The following CCDC39 variants were observed in gnomAD, a reference collection of about 807,000 sequenced individuals.
CCDC39 encodes the protein coiled-coil domain 39 molecular ruler complex subunit.
A neutral mutation model predicts 121.0 loss-of-function variants in CCDC39; 113 were observed. The ratio of observed to expected loss-of-function variants is 0.93; its 90% confidence interval spans 0.80 to 1.09. The LOEUF (loss-of-function observed/expected upper bound fraction) is 1.09, where lower values mean the gene tolerates loss of function less well. Ranked by LOEUF, CCDC39 falls within the 50% of genes least tolerant of loss-of-function variation. The probability of loss-of-function intolerance (pLI) is 0.00; values close to 1 mark genes in which losing one functional copy is unlikely to be tolerated. For synonymous variants in CCDC39, 349 were observed against 352.2 expected, an observed-to-expected ratio of 0.99 and a Z score of 0.10; for missense variants, 1,063 against 1,074.7, an observed-to-expected ratio of 0.99 and a Z score of 0.15.
rs150166564 is a variant in CCDC39 at position 180,663,563 on chromosome 3, G to A, written c.210+304C>T. Among the ~76,000 whole-genome samples, 67 of 151,708 alleles carry A rather than the reference G, an allele frequency of 4.4e-4. No individual in the cohort carries two copies. The East Asian group carries it at 8.5e-3, about 19-fold the overall frequency. On this transcript the variant is annotated intron_variant, in intron 2 of 19. Coordinates refer to ENST00000476379, the MANE Select transcript of CCDC39 (RefSeq NM_181426.2). ...TGGGTGCCTATAATCCCAGCTACTCGGGAGGCTGAGGCATGAGAATCTTTT... is the reference window on the plus strand; with the variant it reads ...TGGGTGCCTATAATCCCAGCTACTCAGGAGGCTGAGGCATGAGAATCTTTT...
At chr3:180,623,086 T>C (rs991205454) in intron 14 of CCDC39, among the ~76,000 whole-genome samples, 1 of 107,852 alleles carries the variant, frequency 9.3e-6, no homozygotes, top group Admixed American at 1.0e-4. Context: ...TTTTTATTAT[T>C]ATTATTATTA....
chr3:180,663,862 T>C lies in CCDC39; in HGVS notation c.210+5A>G. ...TATAATCAACATAAATTTCAGTTAC[T>C]GTACCTGTGTAATTGAGAGCTCTTG... is the stretch of plus-strand genomic sequence containing the variant. On this transcript the variant is annotated splice_donor_5th_base_variant and intron_variant, in intron 2 of 19. Coordinates refer to ENST00000476379, the MANE Select transcript of CCDC39 (RefSeq NM_181426.2). 3.1e-6 allele frequency: 5 copies of C among 1,611,838 alleles called. No homozygotes were observed. The highest frequency in any genetic ancestry group is 1.1e-5 in the South Asian group (1 of 90,956).
chr3:180,627,581 A>C (rs1311310235), intron 14 of CCDC39, among the ~76,000 whole-genome samples: 1 of 152,222 alleles, frequency 6.6e-6, no homozygotes, highest in Non-Finnish European at 1.5e-5. Context: ...ACTTAATTGG[A>C]CAGTGTCATT....
intron 19 of CCDC39, 99 bp downstream of exon 19, chr3:180,616,182 A>T: frequency 2.1e-6 from 2 of 945,202 alleles, no homozygotes; most frequent in Non-Finnish European, 3.4e-6. Context: ...CAGTGAGTGC[A>T]TGGGCCTGCC....
chr3:180,638,361 T>C lies in CCDC39; in HGVS notation c.1874+3632A>G, dbSNP rs148526529. 4.5e-4 allele frequency among the ~76,000 whole-genome samples: 68 copies of C among 152,258 alleles called. 2 individuals are homozygous for C. In the East Asian group the frequency reaches 0.011, roughly 25 times the overall value. On this transcript the variant is annotated intron_variant, in intron 13 of 19. Coordinates refer to ENST00000476379, the MANE Select transcript of CCDC39 (RefSeq NM_181426.2). ...AAGTTTAAGGGAGAATAAATATATG[T>C]ATTAAACATGCAAGGACTGCAAAGT...
Position 180,654,624 on chromosome 3 carries a change from T to TA in CCDC39, c.930+137dup, listed in dbSNP as rs75857130. 0.077 allele frequency: 23,831 copies of TA among 309,912 alleles called. 5 individuals carry two copies. The highest frequency in any genetic ancestry group is 0.081 in the Non-Finnish European group (16,190 of 198,724). The allele number at this position is 309,912 out of a possible 1,614,324, so 19.2% of individuals were successfully genotyped here. ...AAAAGTTCCACAAACAAAGAGACAT[T>TA]AAAAAAAAAAAAAGAAAAAGGAAAA... On this transcript the variant is annotated intron_variant, in intron 7 of 19. Coordinates refer to ENST00000476379, the MANE Select transcript of CCDC39 (RefSeq NM_181426.2).
intron 1 of CCDC39, among the ~76,000 whole-genome samples, chr3:180,670,666 C>CT (rs1244800840): frequency 2.0e-4 from 20 of 101,972 alleles, no homozygotes; most frequent in African/African-American, 6.8e-4. Context: ...GCTTTCTTTA[C>CT]TTTTTTTCAT....
intron 1 of CCDC39, among the ~76,000 whole-genome samples, chr3:180,664,779 T>C (rs965563545): frequency 3.3e-5 from 5 of 151,294 alleles, no homozygotes. Flanking sequence ...CACTGTAACC[T>C]CTGCCTCCCG....
intron 2 of CCDC39, among the ~76,000 whole-genome samples, chr3:180,662,475 T>C (rs1332570813): frequency 6.6e-6 from 1 of 152,160 alleles, no homozygotes; most frequent in East Asian, 1.9e-4. Context: ...ATCACATCTT[T>C]ATGTTCAGTT....
chr3:180,670,702 T>G (rs1440058554), intron 1 of CCDC39, among the ~76,000 whole-genome samples: 3 of 150,808 alleles, frequency 2.0e-5, no homozygotes, highest in Non-Finnish European at 4.4e-5. Flanking sequence ...AAATCAAAAG[T>G]GCTACTCCCT....
In CCDC39 at chr3:180,663,868, T is replaced by C. The variant is rs1273915061; in HGVS notation, c.209A>G (p.Gln70Arg). 6.2e-7 allele frequency: 1 copy of C among 1,611,844 alleles called. No homozygotes were observed. Among genetic ancestry groups the C allele is most frequent in the East Asian group, 2.2e-5 (1 of 44,818 alleles). Reference protein sequence around the residue: ...KNVKQELSITQSLCKARERET... With the variant: ...KNVKQELSITRSLCKARERET... ...CAACATAAATTTCAGTTACTGTACC[T>C]GTGTAATTGAGAGCTCTTGCTTAAC... Residue 70 changes from glutamine (Q) to arginine (R), a missense_variant and splice_region_variant, in exon 2 of 20, where the codon CAG becomes CGG. By Grantham distance (43) the Gln-to-Arg change is conservative. Transcript: ENST00000476379.
At chr3:180,616,408 T>C in intron 18 of CCDC39, 45 bp from the exon 19 acceptor site, 1 of 1,539,978 alleles carries the variant, frequency 6.5e-7, no homozygotes, top group South Asian at 1.2e-5. Context: ...CCTACTGTTT[T>C]TTAGAAGATA....
At position 180,652,204 on chromosome 3, in the gene CCDC39, A is replaced by G. The variant is rs867488884; in HGVS notation, c.993T>C (p.Asn331=). ...GAATGTCCTTCTTTATCTTGGAAAT[A>G]TTTTTCCTCAGAGCTTCTAAATCAC... is the stretch of plus-strand genomic sequence containing the variant. The part of the protein sequence containing the change: ...TSSDLEALRK[N]ISKIKKDIHE... Residue 331 remains asparagine, a synonymous_variant, in exon 8 of 20, where the codon AAT becomes AAC. Transcript: ENST00000476379. 73 of 1,535,440 alleles carry G rather than the reference A, an allele frequency of 4.8e-5. 1 individual carries two copies. In the Middle Eastern group the frequency reaches 2.2e-3, roughly 47 times the overall value.
At chr3:180,641,502 G>T (rs1717954355) in intron 13 of CCDC39, among the ~76,000 whole-genome samples, 1 of 152,040 alleles carries the variant, frequency 6.6e-6, no homozygotes, top group Non-Finnish European at 1.5e-5. Context: ...ACAGTATATA[G>T]AAAATTAGAA....
chr3:180,647,457 C>A (rs1249340280), intron 10 of CCDC39, among the ~76,000 whole-genome samples: 1 of 151,982 alleles, frequency 6.6e-6, no homozygotes, highest in African/African-American at 2.4e-5. Flanking sequence ...ATGATAGACA[C>A]AGAAATAATC....
intron 5 of CCDC39, 30 bp from the exon 6 acceptor site, chr3:180,659,610 G>A (rs1348220002): frequency 1.2e-6 from 2 of 1,605,458 alleles, no homozygotes; most frequent in African/African-American, 1.3e-5. Context: ...GAACATTTCT[G>A]TGAATTTAAG....
At position 180,644,179 on chromosome 3, in the gene CCDC39, G is replaced by T. The variant is rs532100779; in HGVS notation, c.1606C>A (p.Leu536Ile). The T allele has an allele frequency of 2.3e-5, 35 of 1,545,082 alleles. No individual in the cohort carries two copies. Among genetic ancestry groups the T allele is most frequent in the Non-Finnish European group, 3.0e-5 (34 of 1,144,098 alleles). Residue 536 changes from leucine (L) to isoleucine (I), a missense_variant, in exon 12 of 20, where the codon CTA becomes ATA. Coordinates refer to ENST00000476379, the MANE Select transcript of CCDC39 (RefSeq NM_181426.2). Reference sequence around the variant, plus strand: ...TCTGATCTGTCGATGAAAAGGTTTAGTTCATTTATTTTGGTCATAAGGGAC... The same window carrying T: ...TCTGATCTGTCGATGAAAAGGTTTATTTCATTTATTTTGGTCATAAGGGAC... ...KQSLMTKINE[L>I]NLFIDRSEKE...
In CCDC39 at chr3:180,614,839, A is replaced by G. The variant is rs1717168125; in HGVS notation, c.*82T>C. 60 of 1,309,936 alleles carry G rather than the reference A, an allele frequency of 4.6e-5. 1 individual carries two copies. In the South Asian group the frequency reaches 8.2e-4, roughly 18 times the overall value. The allele number at this position is 1,309,936 out of a possible 1,614,324, so 81.1% of individuals were successfully genotyped here. A position where few individuals can be genotyped will look rare whatever the true frequency, so the allele number is the denominator to read the frequency against. On this transcript the variant is annotated 3_prime_UTR_variant, in exon 20 of 20. Coordinates refer to ENST00000476379, the MANE Select transcript of CCDC39 (RefSeq NM_181426.2). ...ACTAAGTTTTTACACTTTCCACTAG[A>G]TAAAATGTGTTGGGTCGTTTTGTAT...
At chr3:180,620,084 C>A (rs1576932090) in intron 14 of CCDC39, 114 bp from the exon 15 acceptor site, 1 of 715,384 alleles carries the variant, frequency 1.4e-6, no homozygotes, top group South Asian at 2.7e-5. Flanking sequence ...CAGTTTATCT[C>A]ATGGCCTACA....
Sources: allele counts gnomAD v4.1 joint callset (sites outside exome capture counted in the v4.1 genomes callset), GRCh38; gene constraint gnomAD v4.1.1; transcripts MANE v1.5; gene names NCBI Gene and HGNC (gene_info 2026-07-23, HGNC 2026-07-21).